EYA4: variants seen among roughly 807,000 people sequenced by gnomAD.
EYA4 encodes EYA transcriptional coactivator and phosphatase 4.
In EYA4, 31 loss-of-function variants were observed where a neutral mutation model predicts 87.9. The observed-to-expected ratio is 0.35, with a 90% CI of 0.27 to 0.48. The LOEUF (loss-of-function observed/expected upper bound fraction) is 0.48. EYA4 is among the 20% of genes least tolerant of loss of function. EYA4 has a pLI of 0.99. For missense variants in EYA4, 678 were observed against 761.4 expected, an observed-to-expected ratio of 0.89 and a Z score of 1.29; for synonymous variants, 263 against 270.6, an observed-to-expected ratio of 0.97 and a Z score of 0.28.
intron 5 of EYA4, among the ~76,000 whole-genome samples, chr6:133,455,637 G>T (rs1016535445): frequency 3.3e-5 from 5 of 151,922 alleles, no homozygotes; most frequent in African/African-American, 1.2e-4. Context: ...ATAATTTTCT[G>T]CTTGCTTCTA....
At chr6:133,500,740 C>G (rs140823401) in intron 13 of EYA4, among the ~76,000 whole-genome samples, 1 of 152,136 alleles carries the variant, frequency 6.6e-6, no homozygotes, top group African/African-American at 2.4e-5. Context: ...GGACTTCTTT[C>G]GCTAAGCCAC....
chr6:133,493,105 T>C (rs929533792), intron 13 of EYA4, among the ~76,000 whole-genome samples: 1 of 151,952 alleles, frequency 6.6e-6, no homozygotes, highest in Admixed American at 6.6e-5. Context: ...ATCCTAAAAT[T>C]TATATGGAAA....
intron 3 of EYA4, among the ~76,000 whole-genome samples, chr6:133,418,963 T>C (rs1401838163): frequency 2.0e-5 from 3 of 152,210 alleles, no homozygotes; most frequent in Admixed American, 1.3e-4. Flanking sequence ...GTTCTCTCCC[T>C]CTAGTTTCTG....
chr6:133,518,516 G>C (rs1799804798), intron 17 of EYA4, among the ~76,000 whole-genome samples: 2 of 152,132 alleles, frequency 1.3e-5, no homozygotes, highest in African/African-American at 4.8e-5. Context: ...CAGAAAAACA[G>C]ATGCTTTGTT....
intron 2 of EYA4, among the ~76,000 whole-genome samples, chr6:133,281,737 C>CAACTG (rs1477041961): frequency 6.6e-6 from 1 of 152,134 alleles, no homozygotes; most frequent in Non-Finnish European, 1.5e-5. Context: ...GAATAATACC[C>CAACTG]AACTGGTAGT....
chr6:133,307,794 T>C (rs912727904), intron 2 of EYA4, among the ~76,000 whole-genome samples: 1 of 152,104 alleles, frequency 6.6e-6, no homozygotes, highest in Non-Finnish European at 1.5e-5. Context: ...AAATTGAAGA[T>C]TTGAAAGGCT....
At chr6:133,470,015 A>G (rs913887529) in intron 11 of EYA4, among the ~76,000 whole-genome samples, 1 of 150,352 alleles carries the variant, frequency 6.7e-6, no homozygotes, top group Non-Finnish European at 1.5e-5. Flanking sequence ...AGTAGGTTGC[A>G]AAAATTTTCT....
At chr6:133,299,959 A>ATC (rs1562264027) in intron 2 of EYA4, among the ~76,000 whole-genome samples, 44 of 106,556 alleles carry the variant, frequency 4.1e-4, no homozygotes, top group African/African-American at 7.6e-4. Flanking sequence ...ATCTATCTAT[A>ATC]TATATATATA....
intron 2 of EYA4, among the ~76,000 whole-genome samples, chr6:133,334,850 G>A (rs1005992197): frequency 1.3e-5 from 2 of 152,070 alleles, no homozygotes; most frequent in Non-Finnish European, 2.9e-5. Context: ...TGATCCAGTT[G>A]TCTTTGGTTG....
At chr6:133,341,694 A>C (rs10457606) in intron 2 of EYA4, among the ~76,000 whole-genome samples, 23,686 of 151,990 alleles carry the variant, frequency 0.16, 2,147 homozygotes, top group Admixed American at 0.26. Flanking sequence ...ATGAATAGCT[A>C]GTGGAGGGCA....
chr6:133,518,696 C>T (rs1349962608), intron 17 of EYA4, among the ~76,000 whole-genome samples: 1 of 152,160 alleles, frequency 6.6e-6, no homozygotes, highest in African/African-American at 2.4e-5. Context: ...CTAAAAAATT[C>T]TGGTGCATCC....
intron 3 of EYA4, among the ~76,000 whole-genome samples, chr6:133,401,876 G>C (rs1788295111): frequency 6.6e-6 from 1 of 152,138 alleles, no homozygotes; most frequent in Non-Finnish European, 1.5e-5. Context: ...GTATTTCCCT[G>C]CATACCTCTC....
chr6:133,486,904 C>T (rs767165226), intron 13 of EYA4, among the ~76,000 whole-genome samples: 2 of 152,230 alleles, frequency 1.3e-5, no homozygotes, highest in African/African-American at 4.8e-5. Context: ...CACAACACAA[C>T]CACCTTCATA....
At chr6:133,494,449 G>A (rs1797452253) in intron 13 of EYA4, among the ~76,000 whole-genome samples, 2 of 151,874 alleles carry the variant, frequency 1.3e-5, no homozygotes, top group South Asian at 2.1e-4. Context: ...ATGGTTAATG[G>A]GTACAAAAAT....
At chr6:133,374,907 T>G (rs1270064937) in intron 2 of EYA4, among the ~76,000 whole-genome samples, 1 of 152,060 alleles carries the variant, frequency 6.6e-6, no homozygotes, top group Non-Finnish European at 1.5e-5. Context: ...GAAACTGTAT[T>G]TCTAAGACTT....
intron 2 of EYA4, among the ~76,000 whole-genome samples, chr6:133,286,971 C>T (rs1778114554): frequency 6.6e-6 from 1 of 152,134 alleles, no homozygotes; most frequent in South Asian, 2.1e-4. Context: ...CACTAGATGT[C>T]AGTAGCACCC....
In EYA4 at chr6:133,474,403, G is replaced by A. The variant is rs368784477; in HGVS notation, c.970+5672G>A. The stretch of plus-strand genomic sequence containing the variant: ...TATTAAATATATTAAATGCAGGCAG[G>A]TAGATATTCTGAGTATGTGACTTTG... On this transcript the variant is annotated intron_variant, in intron 11 of 19. Coordinates refer to ENST00000355286, the MANE Select transcript of EYA4 (RefSeq NM_004100.5). Among the ~76,000 whole-genome samples the A allele has an allele frequency of 2.4e-3, 369 of 152,120 alleles. 1 individual carries two copies. Among genetic ancestry groups the A allele is most frequent in the African/African-American group, 8.3e-3 (346 of 41,528 alleles).
chr6:133,292,456 G>C (rs1778563174), intron 2 of EYA4, among the ~76,000 whole-genome samples: 1 of 152,118 alleles, frequency 6.6e-6, no homozygotes, highest in Non-Finnish European at 1.5e-5. Context: ...CAAATAGCTT[G>C]AGCATTAAGG....
intron 2 of EYA4, among the ~76,000 whole-genome samples, chr6:133,374,452 GT>G: frequency 6.6e-6 from 1 of 152,032 alleles, no homozygotes; most frequent in Middle Eastern, 3.4e-3. Context: ...TTGCCTTCAG[GT>G]TTTTGGTGGT....
Sources: gnomAD v4.1 joint callset for allele counts (sites outside exome capture counted in the v4.1 genomes callset) on GRCh38, gnomAD v4.1.1 for gene constraint, MANE v1.5 for transcripts, NCBI Gene and HGNC (gene_info 2026-07-23, HGNC 2026-07-21) for gene names.